Variants in EVC observed in about 807,000 individuals in gnomAD.
EVC encodes the protein evC complex member EVC.
In EVC, 116 loss-of-function variants were observed where a neutral mutation model predicts 118.9. That is an observed-to-expected ratio of 0.98 (90% CI 0.84 to 1.14). EVC has a LOEUF of 1.14. Ranked by LOEUF, EVC falls within the 50% of genes most tolerant of loss-of-function variation. The pLI, the probability that EVC is intolerant of heterozygous loss-of-function variation, is 0.00. For synonymous variants in EVC, 619 were observed against 534.7 expected (o/e 1.16, Z -2.18); for missense variants, 1,401 against 1,246.4 (o/e 1.12, Z -1.87).
chr4:5,821,173 CT>C, the EVC span: 1 of 152,758 alleles, frequency 6.5e-6, no homozygotes. The surrounding 1 kb of genome is among the most constrained non-coding windows in gnomAD (Gnocchi z 4.4). Flanking sequence ...AAGGCTTCCC[CT>C]GCCATTCCGA....
At chr4:5,815,165 C>A (rs1717479542), downstream of EVC, among the ~76,000 whole-genome samples, 1 of 152,008 alleles carries the variant, frequency 6.6e-6, no homozygotes, top group South Asian at 2.1e-4. Flanking sequence ...GCATTGTAAA[C>A]TGTAAGGAAT....
chr4:5,775,415 A>G (rs973398034), intron 11 of EVC, among the ~76,000 whole-genome samples: 22 of 152,130 alleles, frequency 1.4e-4, no homozygotes, highest in Non-Finnish European at 3.1e-4. Flanking sequence ...CCCAGGAGCC[A>G]TCATCCAGCT....
At chr4:5,732,463 G>A (rs1047187190) in intron 4 of EVC, among the ~76,000 whole-genome samples, 1 of 152,262 alleles carries the variant, frequency 6.6e-6, no homozygotes, top group African/African-American at 2.4e-5. Flanking sequence ...AGAACGGCTT[G>A]CTTTCAGCAT....
chr4:5,822,958 C>T, the EVC span, among the ~76,000 whole-genome samples: 1 of 152,210 alleles, frequency 6.6e-6, no homozygotes, highest in Admixed American at 6.5e-5. Flanking sequence ...CAGTCGGCTC[C>T]TTTCTTGCTG....
chr4:5,782,218 C>T (rs1278871988), intron 11 of EVC, among the ~76,000 whole-genome samples: 8 of 151,054 alleles, frequency 5.3e-5, no homozygotes, highest in Non-Finnish European at 7.4e-5. Flanking sequence ...GGATTACAGA[C>T]GTGCGCCACC....
intron 17 of EVC, among the ~76,000 whole-genome samples, chr4:5,806,240 C>T (rs1307730931): frequency 2.0e-5 from 3 of 151,894 alleles, no homozygotes; most frequent in African/African-American, 7.3e-5. Context: ...CCACCATGCC[C>T]AGCTAATTTT....
chr4:5,750,366 C>T (rs1730167051), intron 8 of EVC, among the ~76,000 whole-genome samples: 1 of 152,186 alleles, frequency 6.6e-6, no homozygotes, highest in Admixed American at 6.5e-5. Context: ...GCCAGAGTAT[C>T]AGCCAATAAC....
chr4:5,807,295 C>T (rs1005974538), intron 17 of EVC, among the ~76,000 whole-genome samples: 2 of 152,096 alleles, frequency 1.3e-5, no homozygotes, highest in African/African-American at 4.8e-5. Flanking sequence ...TGGATGACAG[C>T]GTCTTGTAGG....
intron 11 of EVC, among the ~76,000 whole-genome samples, chr4:5,761,323 G>C (rs921899325): frequency 2.0e-5 from 3 of 152,012 alleles, no homozygotes; most frequent in African/African-American, 7.3e-5. Context: ...CCAGGGTCCT[G>C]GGTGTGAATC....
chr4:5,825,839 GCATT>G, the EVC span: 1 of 610,070 alleles, frequency 1.6e-6, no homozygotes, highest in East Asian at 3.1e-5. This position sits in a 1 kb window ranked among gnomAD's most constrained non-coding sequence, Gnocchi z 4.4. Context: ...CCGCACACAG[GCATT>G]CATACACACA....
chr4:5,801,778 C>T, intron 15 of EVC, 172 bp from the exon 16 acceptor site: 1 of 686,218 alleles, frequency 1.5e-6, no homozygotes. Context: ...GATAGGATTC[C>T]CATGACTAGT....
At chr4:5,806,336 C>G (rs1049687564) in intron 17 of EVC, among the ~76,000 whole-genome samples, 2 of 151,994 alleles carry the variant, frequency 1.3e-5, no homozygotes, top group African/African-American at 4.8e-5. Flanking sequence ...CCCGCCTTGG[C>G]CTCTCGGTGC....
At chr4:5,808,163 C>T in intron 17 of EVC, 38 bp from the exon 18 acceptor site, 2 of 1,305,744 alleles carry the variant, frequency 1.5e-6, no homozygotes, top group Non-Finnish European at 2.1e-6. Context: ...CCCTCCCTTC[C>T]TTCCTCCCTG....
At chr4:5,808,465 A>C in intron 18 of EVC, 138 bp downstream of exon 18, 78 of 1,390,214 alleles carry the variant, frequency 5.6e-5, no homozygotes, top group Non-Finnish European at 7.4e-5. Flanking sequence ...GCTGAGTCTC[A>C]CCTGCTGAGG....
chr4:5,713,701 A>G (rs1343698823), intron 1 of EVC, among the ~76,000 whole-genome samples: 1 of 105,578 alleles, frequency 9.5e-6, no homozygotes, highest in East Asian at 2.6e-4. Flanking sequence ...AAAAAAAATT[A>G]GAGACCAGCC....
intron 16 of EVC, among the ~76,000 whole-genome samples, chr4:5,804,158 G>A (rs1041090499): frequency 3.9e-5 from 6 of 152,024 alleles, no homozygotes; most frequent in African/African-American, 1.2e-4. Flanking sequence ...GGCTGGTCTC[G>A]AACTCCTGAC....
intron 12 of EVC, among the ~76,000 whole-genome samples, chr4:5,792,391 C>CT (rs34100771): frequency 6.6e-6 from 1 of 152,134 alleles, no homozygotes; most frequent in African/African-American, 2.4e-5. Context: ...AGGCAGAAAA[C>CT]TTTTTTTAGG....
In EVC at chr4:5,731,477, C is replaced by T; in HGVS notation, c.437C>T (p.Ala146Val). Residue 146 changes from alanine to valine, a missense_variant, in exon 4 of 21, where the codon GCT becomes GTT. Transcript: ENST00000264956. The surrounding 1 kb of genome is among the most constrained non-coding windows in gnomAD (Gnocchi z 5.6). ...NPSLHENLKQ[A>V]VLPHQPVEAS... The stretch of plus-strand genomic sequence containing the variant: ...TCTCTGCATGAAAACTTAAAGCAGG[C>T]TGTTTTGCCACACCAGCCGGTAGAG... 1.9e-6 allele frequency: 3 copies of T among 1,613,454 alleles called. No individual in the cohort carries two copies. Among genetic ancestry groups the T allele is most frequent in the Non-Finnish European group, 1.7e-6 (2 of 1,179,922 alleles).
Position 5,743,920 on chromosome 4 carries a change from T to C in EVC, c.802-1284T>C, listed in dbSNP as rs10020247. 0.2 allele frequency among the ~76,000 whole-genome samples: 30,775 copies of C among 152,102 alleles called. 3,533 individuals carry two copies. The highest frequency in any genetic ancestry group is 0.31 in the African/African-American group (12,748 of 41,470). On this transcript the variant is annotated intron_variant, in intron 6 of 20. Coordinates refer to ENST00000264956, the MANE Select transcript of EVC (RefSeq NM_153717.3). This position sits in a 1 kb window ranked among gnomAD's most constrained non-coding sequence, Gnocchi z 4.7. ...ATGATGATGACATTTATAATGGTAT[T>C]AGTAATAATGAAACAATACTGTCTG...
Sources: gnomAD v4.1 joint callset for allele counts (sites outside exome capture counted in the v4.1 genomes callset) on GRCh38, gnomAD v4.1.1 for gene constraint, Gnocchi (gnomAD v3.1) non-coding constraint, MANE v1.5 for transcripts, NCBI Gene and HGNC (gene_info 2026-07-23, HGNC 2026-07-21) for gene names.